The following SLC22A16 variants were observed in gnomAD, a reference collection of about 807,000 sequenced individuals.
SLC22A16 encodes the protein solute carrier family 22 member 16.
A neutral mutation model predicts 52.9 loss-of-function variants in SLC22A16; 53 were observed. That is an observed-to-expected ratio of 1.00 (90% CI 0.80 to 1.26). SLC22A16 has a LOEUF of 1.26. Among genes scored for constraint, SLC22A16 ranks in the 50% most tolerant of loss-of-function variants. The probability of loss-of-function intolerance (pLI) is 0.00; values close to 1 mark genes in which losing one functional copy is unlikely to be tolerated. For synonymous variants in SLC22A16, 291 were observed against 268.8 expected (o/e 1.08, Z -0.81); for missense variants, 726 against 704.0 (o/e 1.03, Z -0.35).
intron 1 of SLC22A16, chr6:110,476,266 T>A (rs1488372331): frequency 8.5e-7 from 1 of 1,181,140 alleles, no homozygotes; most frequent in Non-Finnish European, 1.1e-6. Flanking sequence ...ACCAGGTCCC[T>A]CCTGCCCGGC....
intron 4 of SLC22A16, 119 bp downstream of exon 4, chr6:110,442,125 G>T: frequency 2.1e-6 from 2 of 937,872 alleles, no homozygotes; most frequent in Non-Finnish European, 3.1e-6. Flanking sequence ...ATTGTTCCTG[G>T]TTTTAAAGGG....
rs570014257 is a variant in SLC22A16, at chr6:110,460,709, C to T, written c.54-3692G>A. Among the ~76,000 whole-genome samples the T allele has an allele frequency of 2.0e-5, 3 of 152,260 alleles. No homozygotes were observed. The South Asian group carries it at 6.2e-4, about 32-fold the overall frequency. On this transcript the variant is annotated intron_variant, in intron 1 of 7. Coordinates refer to ENST00000368919, the MANE Select transcript of SLC22A16 (RefSeq NM_033125.4). The stretch of plus-strand genomic sequence containing the variant: ...GTTGTGCACCTGTTCTGAGCCACTG[C>T]CCTGCCCAAGCAACCTCAGCCTTTG...
intron 1 of SLC22A16, among the ~76,000 whole-genome samples, chr6:110,471,467 C>T (rs1366541140): frequency 2.6e-5 from 4 of 152,236 alleles, no homozygotes; most frequent in African/African-American, 4.8e-5. Flanking sequence ...ATAAGCCCAA[C>T]CTGGACACAG....
In SLC22A16 at chr6:110,438,729, C is replaced by G. The variant is rs372338182; in HGVS notation, c.1302G>C (p.Val434=). ...ACAGAAGATAACTCACCTGGGGGAT[C>G]ACCATAACGACACCACAGGCCAGTG... ...CSALACGVVM[V]IPQKHYILGV... Residue 434 remains valine, a synonymous_variant, in exon 5 of 8, where the codon GTG becomes GTC. Coordinates refer to ENST00000368919, the MANE Select transcript of SLC22A16 (RefSeq NM_033125.4). 6.2e-7 allele frequency: 1 copy of G among 1,612,088 alleles called. No homozygotes were observed. Among genetic ancestry groups the G allele is most frequent in the Non-Finnish European group, 8.5e-7 (1 of 1,179,274 alleles).
At chr6:110,435,816 T>C (rs771445531) in intron 6 of SLC22A16, 36 bp downstream of exon 6, 7 of 1,455,204 alleles carry the variant, frequency 4.8e-6, no homozygotes, top group Non-Finnish European at 6.6e-6. Context: ...AAGTGAAAGA[T>C]AATAGGAAAA....
chr6:110,450,763 A>T (rs1251652782), intron 2 of SLC22A16, among the ~76,000 whole-genome samples: 1 of 152,064 alleles, frequency 6.6e-6, no homozygotes, highest in Non-Finnish European at 1.5e-5. Context: ...ATATATAACC[A>T]TGCATAAAAT....
At chr6:110,453,639 G>A in intron 2 of SLC22A16, 1 of 456,208 alleles carries the variant, frequency 2.2e-6, no homozygotes, top group Non-Finnish European at 4.4e-6. Context: ...TTAGAGAGGA[G>A]GAGCACTGGA....
chr6:110,461,972 CA>C (rs1775901931), intron 1 of SLC22A16, among the ~76,000 whole-genome samples: 1 of 152,194 alleles, frequency 6.6e-6, no homozygotes. Context: ...TACAGTTCCA[CA>C]AGGCTGGGGA....
At chr6:110,465,411 A>G (rs569766220) in intron 1 of SLC22A16, among the ~76,000 whole-genome samples, 1 of 152,274 alleles carries the variant, frequency 6.6e-6, no homozygotes, top group South Asian at 2.1e-4. Context: ...GATTCCTCCA[A>G]AAGACTCCTA....
chr6:110,424,720 ATTTC>A lies in SLC22A16; in HGVS notation c.*149_*152del, dbSNP rs1332524364. 5 of 875,742 alleles carry A rather than the reference ATTTC, an allele frequency of 5.7e-6. No homozygotes were observed. Among genetic ancestry groups the A allele is most frequent in the Non-Finnish European group, 8.4e-6 (5 of 594,538 alleles). The allele number at this position is 875,742 out of a possible 1,614,324, so 54.2% of individuals were successfully genotyped here. A position where few individuals can be genotyped will look rare whatever the true frequency, so the allele number is the denominator to read the frequency against. ...ACTGAGAATTTTCATCTTAGTTTTT[ATTTC>A]TTTTATAACATATTTGCTTTAAAAT... On this transcript the variant is annotated 3_prime_UTR_variant, in exon 8 of 8. Coordinates refer to ENST00000368919, the MANE Select transcript of SLC22A16 (RefSeq NM_033125.4).
At chr6:110,439,313 C>A (rs541767444) in intron 4 of SLC22A16, among the ~76,000 whole-genome samples, 1 of 152,232 alleles carries the variant, frequency 6.6e-6, no homozygotes, top group East Asian at 1.9e-4. Flanking sequence ...ATGTCTTTGG[C>A]AAAAGTAAAA....
intron 2 of SLC22A16, among the ~76,000 whole-genome samples, chr6:110,454,380 G>A (rs997256881): frequency 4.0e-5 from 6 of 150,778 alleles, no homozygotes; most frequent in Non-Finnish European, 5.9e-5. Flanking sequence ...CAATTTTTTA[G>A]CTTAAGGTTT....
chr6:110,460,191 A>T (rs1775815942), intron 1 of SLC22A16, among the ~76,000 whole-genome samples: 1 of 151,938 alleles, frequency 6.6e-6, no homozygotes, highest in African/African-American at 2.4e-5. Flanking sequence ...GCTCCCTCTC[A>T]CTGGAAGATG....
intron 1 of SLC22A16, among the ~76,000 whole-genome samples, chr6:110,463,514 T>TAAAAAAAAAAAAAAAAAAAAAAAAAAAAA (rs386408237): frequency 1.9e-5 from 1 of 53,268 alleles, no homozygotes; most frequent in Non-Finnish European, 3.2e-5. Flanking sequence ...GTAACAACAG[T>TAAAAAAAAAAAAAAAAAAAAAAAAAAAAA]AAAAAAAAAA....
chr6:110,459,923 G>C (rs1775807192), intron 1 of SLC22A16, among the ~76,000 whole-genome samples: 1 of 152,172 alleles, frequency 6.6e-6, no homozygotes, highest in African/African-American at 2.4e-5. Context: ...GGATAGAACA[G>C]ATAAAATTTG....
chr6:110,456,240 G>T, intron 2 of SLC22A16: 2 of 332,040 alleles, frequency 6.0e-6, no homozygotes, highest in Non-Finnish European at 1.1e-5. Flanking sequence ...TGAAGTAAGT[G>T]ATATTATTTT....
At chr6:110,463,018 G>T (rs1185746885) in intron 1 of SLC22A16, among the ~76,000 whole-genome samples, 1 of 150,862 alleles carries the variant, frequency 6.6e-6, no homozygotes, top group Non-Finnish European at 1.5e-5. Flanking sequence ...TTTATATCCT[G>T]CCAAATAAGC....
chr6:110,440,429 G>C (rs1774919470), intron 4 of SLC22A16: 1 of 152,332 alleles, frequency 6.6e-6, no homozygotes, highest in African/African-American at 2.4e-5. Context: ...GAAAGGGAGA[G>C]ACTAAATTCT....
At chr6:110,431,934 C>A (rs879827843) in intron 6 of SLC22A16, among the ~76,000 whole-genome samples, 3 of 152,102 alleles carry the variant, frequency 2.0e-5, no homozygotes, top group Non-Finnish European at 4.4e-5. Context: ...TCTTCTAGAG[C>A]AGGAATTTGT....
Sources: gnomAD v4.1 joint callset for allele counts (sites outside exome capture counted in the v4.1 genomes callset) on GRCh38, gnomAD v4.1.1 for gene constraint, MANE v1.5 for transcripts, NCBI Gene and HGNC (gene_info 2026-07-23, HGNC 2026-07-21) for gene names.